Variants in FBXO30 observed in about 807,000 individuals in gnomAD.
FBXO30 encodes the protein F-box protein 30, also known as F-box only protein 30.
Under a neutral mutation model 58.1 loss-of-function variants are expected in FBXO30, and 21 were observed. The observed-to-expected ratio is 0.36, with a 90% CI of 0.26 to 0.52. The LOEUF (loss-of-function observed/expected upper bound fraction) is 0.52. Ranked by LOEUF, FBXO30 falls within the 20% of genes least tolerant of loss-of-function variation. The probability of loss-of-function intolerance (pLI) is 0.93; values close to 1 mark genes in which losing one functional copy is unlikely to be tolerated. For synonymous variants in FBXO30, 309 were observed against 312.4 expected (o/e 0.99, Z 0.11); for missense variants, 744 against 897.3 (o/e 0.83, Z 2.18).
At chr6:145,804,309 A>C (rs888417295) in intron 2 of FBXO30, 63 bp downstream of exon 2, 2 of 1,347,672 alleles carry the variant, frequency 1.5e-6, no homozygotes, top group African/African-American at 2.9e-5. Flanking sequence ...TAATTGTATT[A>C]ATTCAGCAGT....
rs999860 is a variant in FBXO30 at position 145,801,617 on chromosome 6, T to C, written c.2035-1308A>G. On this transcript the variant is annotated intron_variant, in intron 2 of 2. Transcript: ENST00000237281. ...GTAATGTCTTCTCAGGGTGGCTAGATGTGGGAAAACAATTATTTGTCAACT... is the reference window on the plus strand; with the variant it reads ...GTAATGTCTTCTCAGGGTGGCTAGACGTGGGAAAACAATTATTTGTCAACT... Among the ~76,000 whole-genome samples the C allele has an allele frequency of 9.4e-3, 1,428 of 152,160 alleles. 10 individuals carry two copies. Among genetic ancestry groups the C allele is most frequent in the Admixed American group, 0.017 (259 of 15,268 alleles).
intron 1 of FBXO30, chr6:145,810,037 A>G (rs914385414): frequency 1.3e-5 from 2 of 152,244 alleles, no homozygotes; most frequent in African/African-American, 2.4e-5. Flanking sequence ...TGTGGTCAAG[A>G]AAGTCTTTTG....
chr6:145,809,908 T>C (rs1488840458), intron 1 of FBXO30: 1 of 152,166 alleles, frequency 6.6e-6, no homozygotes, highest in Non-Finnish European at 1.5e-5. Context: ...TGTTTACTTA[T>C]AAAAGTTTAA....
At chr6:145,814,147 T>C (rs1488621307) in intron 1 of FBXO30, among the ~76,000 whole-genome samples, 2 of 152,162 alleles carry the variant, frequency 1.3e-5, no homozygotes, top group Non-Finnish European at 2.9e-5. Flanking sequence ...GTGCAGACAG[T>C]GGATGATGCC....
intron 1 of FBXO30, among the ~76,000 whole-genome samples, chr6:145,811,166 A>G (rs1455151684): frequency 1.3e-5 from 2 of 152,198 alleles, no homozygotes; most frequent in Non-Finnish European, 2.9e-5. Context: ...TTCTGCCTCA[A>G]TTAGAGACTC....
intron 2 of FBXO30, among the ~76,000 whole-genome samples, chr6:145,801,415 G>A (rs537708818): frequency 1.6e-3 from 248 of 150,890 alleles, no homozygotes; most frequent in Non-Finnish European, 2.5e-3. Context: ...GTATGTGTGC[G>A]TGTGTGTGTG....
rs116897068 is a variant in FBXO30, at chr6:145,799,756, C to T, written c.*350G>A. On this transcript the variant is annotated 3_prime_UTR_variant, in exon 3 of 3. Transcript: ENST00000237281. ...TTTTGCTTTTTGATTGCATGGGTCG[C>T]AACCCACAGAAAACAACAAATAAAT... 681 of 159,950 alleles carry T rather than the reference C, an allele frequency of 4.3e-3. 20 individuals are homozygous for T. In the East Asian group the frequency reaches 0.072, roughly 17 times the overall value. 9.9% of individuals were successfully genotyped at this position (159,950 alleles called of 1,614,324 possible).
rs907930348 is a variant in FBXO30, at chr6:145,799,927, T to C, written c.*179A>G. On this transcript the variant is annotated 3_prime_UTR_variant, in exon 3 of 3. Coordinates refer to ENST00000237281, the MANE Select transcript of FBXO30 (RefSeq NM_032145.5). ...CAAAAATTTCACACATTTCAAACATTAAGGCAACTTTTTCCAACTAAACAG... is the reference window on the plus strand; with the variant it reads ...CAAAAATTTCACACATTTCAAACATCAAGGCAACTTTTTCCAACTAAACAG... The C allele has an allele frequency of 4.2e-6, 2 of 480,820 alleles. No homozygotes were observed. Among genetic ancestry groups the C allele is most frequent in the Admixed American group, 8.1e-5 (2 of 24,838 alleles). 29.8% of individuals were successfully genotyped at this position (480,820 alleles called of 1,614,324 possible).
At chr6:145,808,515 T>C (rs1222301568) in intron 1 of FBXO30, among the ~76,000 whole-genome samples, 1 of 152,160 alleles carries the variant, frequency 6.6e-6, no homozygotes, top group African/African-American at 2.4e-5. Flanking sequence ...AATATTGCAT[T>C]TCTTCAGGGC....
intron 1 of FBXO30, among the ~76,000 whole-genome samples, chr6:145,813,357 T>A (rs1778387308): frequency 6.8e-6 from 1 of 148,054 alleles, no homozygotes. Flanking sequence ...GGCATTAAAG[T>A]GCTAGGTAAA....
rs185920258 is a variant in FBXO30, at chr6:145,802,036, T to C, written c.2035-1727A>G. Among the ~76,000 whole-genome samples, 10 of 152,254 alleles carry C rather than the reference T, an allele frequency of 6.6e-5. No homozygotes were observed. In the East Asian group the frequency reaches 1.2e-3, roughly 18 times the overall value. On this transcript the variant is annotated intron_variant, in intron 2 of 2. Transcript: ENST00000237281. ...AAATATTTACTCAGTGCCTACTACATAGTAGGTACTATGCAAGGCAGTATT... is the reference window on the plus strand; with the variant it reads ...AAATATTTACTCAGTGCCTACTACACAGTAGGTACTATGCAAGGCAGTATT...
intron 2 of FBXO30, 58 bp downstream of exon 2, chr6:145,804,314 A>C: frequency 7.3e-7 from 1 of 1,367,618 alleles, no homozygotes; most frequent in East Asian, 2.3e-5. Flanking sequence ...GTATTAATTC[A>C]GCAGTATTAT....
At chr6:145,800,668 C>T (rs1489587216) in intron 2 of FBXO30, among the ~76,000 whole-genome samples, 1 of 152,082 alleles carries the variant, frequency 6.6e-6, no homozygotes, top group Non-Finnish European at 1.5e-5. Flanking sequence ...CTTTCATACT[C>T]TCCAATTGGC....
At chr6:145,813,526 A>T (rs1321583183) in intron 1 of FBXO30, among the ~76,000 whole-genome samples, 2 of 152,098 alleles carry the variant, frequency 1.3e-5, no homozygotes, top group Admixed American at 1.3e-4. Flanking sequence ...ATTTTATGCT[A>T]CTCTTTTCCT....
At chr6:145,811,658 A>G (rs1420209465) in intron 1 of FBXO30, among the ~76,000 whole-genome samples, 1 of 152,248 alleles carries the variant, frequency 6.6e-6, no homozygotes, top group African/African-American at 2.4e-5. Flanking sequence ...GTAGAGAGTG[A>G]GAAAAGTAAG....
chr6:145,800,448 T>G lies in FBXO30; in HGVS notation c.2035-139A>C, dbSNP rs528427437. On this transcript the variant is annotated intron_variant, in intron 2 of 2. Coordinates refer to ENST00000237281, the MANE Select transcript of FBXO30 (RefSeq NM_032145.5). ...TTCAAATAGCTATAAAATTAAAAAT[T>G]GGTAAATCCTTTTGGACATAAATGT... is the stretch of plus-strand genomic sequence containing the variant. 4 of 626,102 alleles carry G rather than the reference T, an allele frequency of 6.4e-6. No individual in the cohort carries two copies. In the African/African-American group the frequency reaches 7.4e-5, roughly 12 times the overall value. The allele number at this position is 626,102 out of a possible 1,614,324, so 38.8% of individuals were successfully genotyped here. A position where few individuals can be genotyped will look rare whatever the true frequency, so the allele number is the denominator to read the frequency against.
intron 1 of FBXO30, among the ~76,000 whole-genome samples, chr6:145,813,265 T>C (rs767635703): frequency 6.6e-6 from 1 of 151,678 alleles, no homozygotes; most frequent in Non-Finnish European, 1.5e-5. Flanking sequence ...AGTTTGCCTA[T>C]ATTCGAAACT....
At chr6:145,804,235 A>C (rs1005934059) in intron 2 of FBXO30, 137 bp downstream of exon 2, 4 of 723,624 alleles carry the variant, frequency 5.5e-6, no homozygotes, top group Non-Finnish European at 8.8e-6. Flanking sequence ...TACCATTAAG[A>C]AAAAGTCTGT....
At chr6:145,806,645 A>G (rs1234893693) in intron 1 of FBXO30, among the ~76,000 whole-genome samples, 2 of 152,320 alleles carry the variant, frequency 1.3e-5, no homozygotes, top group African/African-American at 4.8e-5. Context: ...GAATGTCATA[A>G]CGGTTCATTT....
Sources: gnomAD v4.1 joint callset for allele counts (sites outside exome capture counted in the v4.1 genomes callset) on GRCh38, gnomAD v4.1.1 for gene constraint, MANE v1.5 for transcripts, NCBI Gene and HGNC (gene_info 2026-07-23, HGNC 2026-07-21) for gene names.